ERICH2: variants seen among roughly 807,000 people sequenced by gnomAD.
ERICH2 encodes the protein glutamate-rich protein 2.
ERICH2 carries 17 observed loss-of-function variants against 17.4 expected under a neutral mutation model. The observed-to-expected ratio is 0.98, with a 90% CI of 0.67 to 1.47. ERICH2 has a LOEUF of 1.47. ERICH2 is among the 40% of genes most tolerant of loss of function. The probability of loss-of-function intolerance (pLI) is 0.00; values close to 1 mark genes in which losing one functional copy is unlikely to be tolerated. For synonymous variants in ERICH2, 51 were observed against 61.1 expected, an observed-to-expected ratio of 0.83 and a Z score of 0.77; for missense variants, 186 against 183.2, an observed-to-expected ratio of 1.01 and a Z score of -0.09.
chr2:170,772,075 T>C, the ERICH2 span, among the ~76,000 whole-genome samples: 160 of 152,358 alleles, frequency 1.1e-3, no homozygotes, highest in African/African-American at 3.7e-3. Flanking sequence ...TTTTGTAATC[T>C]CTGGAGAACA....
intron 3 of ERICH2, among the ~76,000 whole-genome samples, chr2:170,793,475 A>G (rs775409714): frequency 2.6e-5 from 4 of 152,254 alleles, no homozygotes; most frequent in Non-Finnish European, 4.4e-5. Flanking sequence ...GCAGTTTTAA[A>G]TAGGATGGCC....
the ERICH2 span, among the ~76,000 whole-genome samples, chr2:170,778,424 A>G: frequency 6.6e-6 from 1 of 152,150 alleles, no homozygotes; most frequent in Non-Finnish European, 1.5e-5. Flanking sequence ...TGTTTATTCT[A>G]AATATTGACT....
At chr2:170,783,977 GT>G in intron 1 of ERICH2, 1 of 1,442,050 alleles carries the variant, frequency 6.9e-7, no homozygotes, top group Non-Finnish European at 9.5e-7. Flanking sequence ...AGAGTCATTA[GT>G]TTTACCTTTT....
chr2:170,792,256 A>G (rs1219278834), intron 2 of ERICH2, among the ~76,000 whole-genome samples: 2 of 152,238 alleles, frequency 1.3e-5, no homozygotes, highest in Non-Finnish European at 2.9e-5. Flanking sequence ...TTGAAAGAAT[A>G]TACATGAAGA....
intron 3 of ERICH2, among the ~76,000 whole-genome samples, chr2:170,796,447 T>TG (rs1701424613): frequency 8.1e-6 from 1 of 123,426 alleles, no homozygotes; most frequent in Non-Finnish European, 1.8e-5. Flanking sequence ...TTTGTTTTTT[T>TG]TTTTTTGAGA....
Position 170,783,849 on chromosome 2 carries a change from TA to T in ERICH2, c.14del (p.Asn5MetfsTer8). 6.4e-7 allele frequency: 1 copy of T among 1,550,570 alleles called. No individual in the cohort carries two copies. The highest frequency in any genetic ancestry group is 8.7e-7 in the Non-Finnish European group (1 of 1,146,976). ...GGTGGTTGTGAGCTGATGGAGACTG[TA>T]AATGAACCAGAAACAGGTAGACAGA... On this transcript the variant is annotated frameshift_variant, in exon 1 of 5. Coordinates refer to ENST00000409885, the Ensembl canonical transcript of ERICH2. LOFTEE classifies it high-confidence loss of function.
intron 2 of ERICH2, among the ~76,000 whole-genome samples, chr2:170,786,572 C>T (rs1701164631): frequency 6.6e-6 from 1 of 152,088 alleles, no homozygotes; most frequent in South Asian, 2.1e-4. Context: ...AGTTATTCTT[C>T]AAATATTTTT....
intron 2 of ERICH2, among the ~76,000 whole-genome samples, chr2:170,789,889 T>C (rs2105708210): frequency 6.6e-6 from 1 of 152,280 alleles, no homozygotes; most frequent in African/African-American, 2.4e-5. Flanking sequence ...AATGAGATGA[T>C]ATCTGTAAAG....
the ERICH2 span, chr2:170,775,547 G>GTTAGATTTC: frequency 6.6e-6 from 1 of 152,190 alleles, no homozygotes; most frequent in Admixed American, 6.5e-5. Context: ...GGGAGATGAT[G>GTTAGATTTC]TTAGATTTCT....
At chr2:170,777,902 T>C in the ERICH2 span, 7 of 387,844 alleles carry the variant, frequency 1.8e-5, no homozygotes, top group Non-Finnish European at 3.2e-5. Context: ...ATAGATAATA[T>C]TCACTTCTAC....
At chr2:170,798,526 C>T (rs1044298369) in intron 4 of ERICH2, among the ~76,000 whole-genome samples, 1 of 152,126 alleles carries the variant, frequency 6.6e-6, no homozygotes, top group Non-Finnish European at 1.5e-5. Flanking sequence ...AATAGAATTT[C>T]ATTGACAATA....
In ERICH2 at chr2:170,798,769, G is replaced by A. The variant is rs917090869; in HGVS notation, c.347-1G>A. The A allele has an allele frequency of 3.2e-6, 5 of 1,550,414 alleles. No homozygotes were observed. Among genetic ancestry groups the A allele is most frequent in the Non-Finnish European group, 4.4e-6 (5 of 1,146,942 alleles). On this transcript the variant is annotated splice_acceptor_variant, in intron 4 of 4. Transcript: ENST00000409885. LOFTEE classifies it high-confidence loss of function. ...AGCAATCCTCTTCCTTTCTGTGGCA[G>A]AGAAAACTCAGAATCATGAGCAAGA...
the ERICH2 span, chr2:170,770,584 A>T: frequency 1.3e-5 from 2 of 154,972 alleles, 1 homozygote; most frequent in Middle Eastern, 1.0e-3. Context: ...ACTACCAGGG[A>T]CACCCATCTC....
chr2:170,796,844 G>A (rs1701437987), intron 3 of ERICH2, among the ~76,000 whole-genome samples: 1 of 152,102 alleles, frequency 6.6e-6, no homozygotes, highest in Non-Finnish European at 1.5e-5. Flanking sequence ...TTAAACGGAT[G>A]ATGCAAAATT....
the ERICH2 span, among the ~76,000 whole-genome samples, chr2:170,772,257 G>A: frequency 6.6e-6 from 1 of 152,076 alleles, no homozygotes; most frequent in Non-Finnish European, 1.5e-5. Context: ...TCCAGTTTCG[G>A]CGTTTAGAAC....
intron 3 of ERICH2, among the ~76,000 whole-genome samples, chr2:170,795,875 T>C (rs1279546957): frequency 6.6e-6 from 1 of 152,224 alleles, no homozygotes; most frequent in Non-Finnish European, 1.5e-5. Flanking sequence ...AAGATTTATT[T>C]AATAAATCAT....
At chr2:170,789,155 G>A (rs557869082) in intron 2 of ERICH2, among the ~76,000 whole-genome samples, 8 of 150,644 alleles carry the variant, frequency 5.3e-5, no homozygotes, top group Admixed American at 2.7e-4. Context: ...AGTAGAGATC[G>A]GGTTTCACCA....
intron 3 of ERICH2, among the ~76,000 whole-genome samples, chr2:170,796,440 G>GATT (rs1553569093): frequency 1.1e-4 from 9 of 83,452 alleles, no homozygotes; most frequent in African/African-American, 2.6e-4. Flanking sequence ...TTTTTTTTTT[G>GATT]TTTTTTTTTT....
intron 1 of ERICH2, 112 bp from the exon 7 acceptor site, chr2:170,784,533 AT>A (rs1467544101): frequency 3.7e-6 from 2 of 537,106 alleles, no homozygotes; most frequent in Non-Finnish European, 6.3e-6. Context: ...TGTTATGATA[AT>A]TATGTTACTT....
Sources: gnomAD v4.1 joint callset for allele counts (sites outside exome capture counted in the v4.1 genomes callset) on GRCh38, gnomAD v4.1.1 for gene constraint, MANE v1.5 for transcripts, NCBI Gene and HGNC (gene_info 2026-07-23, HGNC 2026-07-21) for gene names.